The following KCNH7 variants were observed in gnomAD, a reference collection of about 807,000 sequenced individuals.
KCNH7 encodes the protein voltage-gated inwardly rectifying potassium channel KCNH7.
In KCNH7, 49 loss-of-function variants were observed where a neutral mutation model predicts 120.8. The ratio of observed to expected loss-of-function variants is 0.41; its 90% CI spans 0.32 to 0.51. The LOEUF (loss-of-function observed/expected upper bound fraction) is 0.51. Ranked by LOEUF, KCNH7 falls within the 20% of genes least tolerant of loss-of-function variation. The pLI, the probability that KCNH7 is intolerant of heterozygous loss-of-function variation, is 0.38. For missense variants in KCNH7, 1,097 were observed against 1,446.6 expected (o/e 0.76, Z 3.92); for synonymous variants, 547 against 516.1 (o/e 1.06, Z -0.81).
chr2:162,601,429 TTACTTTGG>T (rs1694552725), intron 2 of KCNH7, among the ~76,000 whole-genome samples: 3 of 139,850 alleles, frequency 2.1e-5, no homozygotes, highest in Non-Finnish European at 3.2e-5. Flanking sequence ...TTTTTTTTGC[TTACTTTGG>T]TGTTTTTAAC....
At chr2:162,739,796 T>C (rs1032925249) in intron 2 of KCNH7, among the ~76,000 whole-genome samples, 1 of 152,144 alleles carries the variant, frequency 6.6e-6, no homozygotes, top group East Asian at 1.9e-4. Context: ...ACAAGGTCAA[T>C]AGCCACATTG....
At chr2:162,781,017 A>G (rs1683460812) in intron 2 of KCNH7, among the ~76,000 whole-genome samples, 3 of 152,118 alleles carry the variant, frequency 2.0e-5, no homozygotes, top group Admixed American at 1.3e-4. Flanking sequence ...TACATATCCA[A>G]TCTATATTGT....
At chr2:162,651,980 T>A (rs1348667314) in intron 2 of KCNH7, among the ~76,000 whole-genome samples, 2 of 152,196 alleles carry the variant, frequency 1.3e-5, no homozygotes, top group South Asian at 4.1e-4. Flanking sequence ...TTTCATATTC[T>A]TCTTGGCCAC....
intron 2 of KCNH7, among the ~76,000 whole-genome samples, chr2:162,683,952 T>C (rs868451849): frequency 1.3e-5 from 2 of 151,948 alleles, no homozygotes; most frequent in South Asian, 4.1e-4. Context: ...ACTATAGTAC[T>C]ACAAGGCTAC....
chr2:162,809,141 A>G (rs1306140803), intron 2 of KCNH7, among the ~76,000 whole-genome samples: 1 of 152,238 alleles, frequency 6.6e-6, no homozygotes, highest in East Asian at 1.9e-4. Context: ...CATTGACAAC[A>G]TAACATTAAA....
chr2:162,607,220 C>CAAAAAAAA (rs34786286), intron 2 of KCNH7, among the ~76,000 whole-genome samples: 11 of 111,932 alleles, frequency 9.8e-5, no homozygotes, highest in Non-Finnish European at 2.0e-4. Context: ...ACTAAAAATA[C>CAAAAAAAA]AAAAAAAAAA....
intron 2 of KCNH7, among the ~76,000 whole-genome samples, chr2:162,738,835 A>G (rs189836134): frequency 2.0e-5 from 3 of 152,336 alleles, no homozygotes; most frequent in East Asian, 3.9e-4. Flanking sequence ...GAGCTCGACA[A>G]TAAAGTTGCC....
intron 2 of KCNH7, among the ~76,000 whole-genome samples, chr2:162,787,361 C>T (rs1175807461): frequency 1.3e-5 from 2 of 152,064 alleles, no homozygotes; most frequent in Non-Finnish European, 2.9e-5. Flanking sequence ...AGGCTCTAGG[C>T]CCACTCCAGT....
rs139632449 is a variant in KCNH7 at position 162,400,215 on chromosome 2, T to C, written c.2381A>G (p.Lys794Arg). 103 of 1,611,934 alleles carry C rather than the reference T, an allele frequency of 6.4e-5. No individual in the cohort carries two copies. The highest frequency in any genetic ancestry group is 8.6e-5 in the Non-Finnish European group (101 of 1,178,732). Reference sequence around the variant, plus strand: ...CAGAATAGCCACCACAATGTCATCTTTGAGAATTTCAATGGAGCCTCTGGA... The same window carrying C: ...CAGAATAGCCACCACAATGTCATCTCTGAGAATTTCAATGGAGCCTCTGGA... ...FLSRGSIEILKDDIVVAILGK... is the reference protein window; with the variant it reads ...FLSRGSIEILRDDIVVAILGK... The change falls in exon 10 of 16, where the codon AAA (lysine) becomes AGA (arginine). Residue 794 changes from lysine (K) to arginine (R), a missense_variant. Physicochemically the swap from Lys to Arg is conservative, Grantham distance 26. Transcript: ENST00000332142.
chr2:162,782,632 G>C (rs1683542546), intron 2 of KCNH7, among the ~76,000 whole-genome samples: 2 of 152,108 alleles, frequency 1.3e-5, no homozygotes, highest in Admixed American at 1.3e-4. Context: ...TTAATAATGA[G>C]GATAGAAACA....
At chr2:162,625,020 C>T (rs1467354529) in intron 2 of KCNH7, among the ~76,000 whole-genome samples, 1 of 151,480 alleles carries the variant, frequency 6.6e-6, no homozygotes, top group African/African-American at 2.4e-5. Context: ...GCCTCAGCCT[C>T]CTGAGTAGCT....
chr2:162,728,655 G>C (rs932111825), intron 2 of KCNH7, among the ~76,000 whole-genome samples: 1 of 152,134 alleles, frequency 6.6e-6, no homozygotes. Context: ...GTGCACGCCT[G>C]TAATCCTAGC....
At chr2:162,582,727 T>C (rs1693916964) in intron 2 of KCNH7, among the ~76,000 whole-genome samples, 1 of 152,106 alleles carries the variant, frequency 6.6e-6, no homozygotes, top group East Asian at 1.9e-4. Context: ...ACAACAAAAC[T>C]GTTCAAACAA....
intron 2 of KCNH7, among the ~76,000 whole-genome samples, chr2:162,829,875 G>C (rs1237095935): frequency 1.4e-5 from 2 of 145,328 alleles, no homozygotes; most frequent in African/African-American, 5.0e-5. Context: ...TAACTGCATG[G>C]TACCATTTTT....
At chr2:162,685,345 A>T (rs971458956) in intron 2 of KCNH7, among the ~76,000 whole-genome samples, 15 of 148,174 alleles carry the variant, frequency 1.0e-4, no homozygotes, top group East Asian at 4.9e-4. Flanking sequence ...AAAGTATAAT[A>T]AAAAAAAAGA....
chr2:162,778,811 G>A lies in KCNH7; in HGVS notation c.307+57726C>T, dbSNP rs544428760. 2.0e-5 allele frequency among the ~76,000 whole-genome samples: 3 copies of A among 152,224 alleles called. No homozygotes were observed. In the East Asian group the frequency reaches 5.8e-4, roughly 29 times the overall value. On this transcript the variant is annotated intron_variant, in intron 2 of 15. Coordinates refer to ENST00000332142, the MANE Select transcript of KCNH7 (RefSeq NM_033272.4). ...AATGTACATACTATCAGACATCACT[G>A]CATAGCATGATATTCTGAAATAGAA...
At chr2:162,482,643 G>A (rs905371148) in intron 6 of KCNH7, among the ~76,000 whole-genome samples, 48 of 152,150 alleles carry the variant, frequency 3.2e-4, no homozygotes, top group African/African-American at 1.2e-3. Flanking sequence ...CCAGAATCAA[G>A]GTATGTGTCA....
chr2:162,627,295 A>G (rs150270632), intron 2 of KCNH7, among the ~76,000 whole-genome samples: 14 of 152,322 alleles, frequency 9.2e-5, no homozygotes, highest in African/African-American at 3.4e-4. Flanking sequence ...TATAACTGGA[A>G]TAACAAAGAG....
At chr2:162,522,177 A>C (rs1006888710) in intron 3 of KCNH7, among the ~76,000 whole-genome samples, 1 of 151,940 alleles carries the variant, frequency 6.6e-6, no homozygotes, top group African/African-American at 2.4e-5. Context: ...ACTGCATCGA[A>C]GTCATTTGAT....
Sources: gnomAD v4.1 joint callset for allele counts (sites outside exome capture counted in the v4.1 genomes callset) on GRCh38, gnomAD v4.1.1 for gene constraint, MANE v1.5 for transcripts, NCBI Gene and HGNC (gene_info 2026-07-23, HGNC 2026-07-21) for gene names.